The following ZNF141 variants were observed in gnomAD, a reference collection of about 807,000 sequenced individuals.
ZNF141 encodes the protein zinc finger protein 141, also known as zinc finger protein 141 (clone pHZ-44).
ZNF141 carries 7 observed loss-of-function variants against 11.3 expected under a neutral mutation model. The observed-to-expected ratio is 0.62, with a 90% CI of 0.35 to 1.16. The LOEUF (loss-of-function observed/expected upper bound fraction) is 1.16, where lower values mean the gene tolerates loss of function less well. ZNF141 is among the 50% of genes most tolerant of loss of function. The pLI is 0.02. For missense variants in ZNF141, 535 were observed against 554.0 expected, an observed-to-expected ratio of 0.97 and a Z score of 0.34; for synonymous variants, 183 against 190.7, an observed-to-expected ratio of 0.96 and a Z score of 0.33.
intron 3 of ZNF141, among the ~76,000 whole-genome samples, chr4:348,842 C>T (rs573985920): frequency 6.6e-6 from 1 of 151,844 alleles, no homozygotes; most frequent in East Asian, 1.9e-4. Context: ...ATTGTGTTTT[C>T]TATTAGTGTG....
At position 381,314 on chromosome 4, in the gene ZNF141, G is replaced by T. The variant is rs1712604184; in HGVS notation, c.*7452G>T. Among the ~76,000 whole-genome samples the T allele has an allele frequency of 6.6e-6, 1 of 150,636 alleles. No individual in the cohort carries two copies. The highest frequency in any genetic ancestry group is 1.5e-5 in the Non-Finnish European group (1 of 67,904). On this transcript the variant is annotated 3_prime_UTR_variant, in exon 4 of 4. Coordinates refer to ENST00000240499, the MANE Select transcript of ZNF141 (RefSeq NM_003441.4). ...AAATTTATCTCTAGGAACCTCAGCC[G>T]AGCAGTCAGAACTCACAGCTCTGAC...
In ZNF141 at chr4:362,965, G is replaced by C. The variant is rs138437792; in HGVS notation, c.227-9699G>C. ...TGGCATTGAATCTATAAATTACCTT[G>C]GGCAGTATGGCCATTTTCATGATAT... On this transcript the variant is annotated intron_variant, in intron 3 of 3. Transcript: ENST00000240499. Among the ~76,000 whole-genome samples the C allele has an allele frequency of 1.8e-3, 278 of 152,260 alleles. 7 individuals are homozygous for C. The East Asian group carries it at 0.051, about 28-fold the overall frequency.
At position 382,463 on chromosome 4, in the gene ZNF141, C is replaced by A. The variant is rs1443112935; in HGVS notation, c.*8601C>A. Among the ~76,000 whole-genome samples, 1 of 152,108 alleles carries A rather than the reference C, an allele frequency of 6.6e-6. No homozygotes were observed. Among genetic ancestry groups the A allele is most frequent in the Non-Finnish European group, 1.5e-5 (1 of 68,018 alleles). ...ATTTGACTTTGTCTATATTAAAAATCATAAATAGTCAACAAATGCAAAAAA... is the reference window on the plus strand; with the variant it reads ...ATTTGACTTTGTCTATATTAAAAATAATAAATAGTCAACAAATGCAAAAAA... On this transcript the variant is annotated 3_prime_UTR_variant, in exon 4 of 4. Transcript: ENST00000240499.
At chr4:368,880 G>A (rs75567447) in intron 3 of ZNF141, among the ~76,000 whole-genome samples, 2,461 of 152,214 alleles carry the variant, frequency 0.016, 60 homozygotes, top group African/African-American at 0.055. Context: ...ATAATTTGGG[G>A]GTTGCTGTTT....
At chr4:352,180 G>C (rs1162505012) in intron 3 of ZNF141, among the ~76,000 whole-genome samples, 1 of 152,154 alleles carries the variant, frequency 6.6e-6, no homozygotes, top group African/African-American at 2.4e-5. Flanking sequence ...GAGGTCAAGA[G>C]ATGGAGACAA....
intron 3 of ZNF141, among the ~76,000 whole-genome samples, chr4:363,059 A>T (rs1432367631): frequency 6.6e-6 from 1 of 152,176 alleles, no homozygotes; most frequent in African/African-American, 2.4e-5. Context: ...TTCATTGAGC[A>T]GTGGTTTGTA....
chr4:349,577 A>T (rs1445815374), intron 3 of ZNF141, among the ~76,000 whole-genome samples: 2 of 152,092 alleles, frequency 1.3e-5, no homozygotes, highest in East Asian at 3.9e-4. Context: ...CTGTGTCTGC[A>T]TTTGACAAAT....
intron 3 of ZNF141, among the ~76,000 whole-genome samples, chr4:348,654 T>G (rs1256001449): frequency 2.0e-5 from 3 of 151,212 alleles, no homozygotes; most frequent in Admixed American, 1.3e-4. Context: ...GGCAGAGGTT[T>G]CAGTGAGCCT....
Position 383,343 on chromosome 4 carries a change from AAGTT to A in ZNF141, c.*9485_*9488del. On this transcript the variant is annotated 3_prime_UTR_variant, in exon 4 of 4. Transcript: ENST00000240499. ...TGTTTCGGGATTGTTATGCAGTTAT[AAGTT>A]AGTAATATATACACCCATTAAAGAC... 1 of 570,338 alleles carries A rather than the reference AAGTT, an allele frequency of 1.8e-6. No individual in the cohort carries two copies. Among genetic ancestry groups the A allele is most frequent in the Admixed American group, 3.4e-5 (1 of 29,546 alleles). 35.3% of individuals were successfully genotyped at this position (570,338 alleles called of 1,614,324 possible).
rs1402921861 is a variant in ZNF141, at chr4:377,675, G to A, written c.*3813G>A. ...GATAAGAGTAATTCACTATCAACAGGTAAGAGGATTAAGTCAGTTGGCATT... is the reference window on the plus strand; with the variant it reads ...GATAAGAGTAATTCACTATCAACAGATAAGAGGATTAAGTCAGTTGGCATT... On this transcript the variant is annotated 3_prime_UTR_variant, in exon 4 of 4. Coordinates refer to ENST00000240499, the MANE Select transcript of ZNF141 (RefSeq NM_003441.4). 6.6e-6 allele frequency among the ~76,000 whole-genome samples: 1 copy of A among 151,596 alleles called. No homozygotes were observed. Among genetic ancestry groups the A allele is most frequent in the East Asian group, 1.9e-4 (1 of 5,162 alleles).
intron 3 of ZNF141, among the ~76,000 whole-genome samples, chr4:358,018 C>T (rs1354729746): frequency 1.3e-5 from 2 of 151,212 alleles, no homozygotes; most frequent in East Asian, 3.9e-4. Context: ...CATGCCTGGC[C>T]TCATTCTTTA....
chr4:350,188 C>T (rs782162276), intron 3 of ZNF141: 2 of 534,790 alleles, frequency 3.7e-6, no homozygotes, highest in South Asian at 2.8e-5. Context: ...TGTGCCATTT[C>T]CTTGTCTGTA....
At chr4:339,616 C>T (rs1447576791) in intron 1 of ZNF141, among the ~76,000 whole-genome samples, 2 of 152,230 alleles carry the variant, frequency 1.3e-5, no homozygotes, top group Non-Finnish European at 2.9e-5. Flanking sequence ...ACTCTTCTCC[C>T]TTAAAGCATT....
At position 381,453 on chromosome 4, in the gene ZNF141, G is replaced by T. The variant is rs150927271; in HGVS notation, c.*7591G>T. ...AGACGTTGTCTTGCTCTGTCGCCCAGGCTGGAGTGCAGTGGTGCAATCTCG... is the reference window on the plus strand; with the variant it reads ...AGACGTTGTCTTGCTCTGTCGCCCATGCTGGAGTGCAGTGGTGCAATCTCG... On this transcript the variant is annotated 3_prime_UTR_variant, in exon 4 of 4. Coordinates refer to ENST00000240499, the MANE Select transcript of ZNF141 (RefSeq NM_003441.4). Among the ~76,000 whole-genome samples, 1,838 of 127,832 alleles carry T rather than the reference G, an allele frequency of 0.014. 56 individuals carry two copies. The highest frequency in any genetic ancestry group is 0.07 in the Admixed American group (708 of 10,096). The allele number at this position is 127,832 out of a possible 152,430, so 83.9% of individuals were successfully genotyped here. A position where few individuals can be genotyped will look rare whatever the true frequency, so the allele number is the denominator to read the frequency against.
rs528900220 is a variant in ZNF141 at position 372,122 on chromosome 4, C to T, written c.227-542C>T. On this transcript the variant is annotated intron_variant, in intron 3 of 3. Transcript: ENST00000240499. The stretch of plus-strand genomic sequence containing the variant: ...TAACAGTCTCTAATCACTTGTTCTA[C>T]GTGTTGCCTGTATTTAGCACTGCAG... Among the ~76,000 whole-genome samples the T allele has an allele frequency of 8.5e-5, 13 of 152,298 alleles. No individual in the cohort carries two copies. The East Asian group carries it at 1.9e-3, about 23-fold the overall frequency.
rs782605502 is a variant in ZNF141 at position 373,119 on chromosome 4, A to G, written c.682A>G (p.Thr228Ala). The G allele has an allele frequency of 1.9e-6, 3 of 1,614,040 alleles. No homozygotes were observed. Among genetic ancestry groups the G allele is most frequent in the African/African-American group, 1.3e-5 (1 of 75,040 alleles). ...KRIHTGEKPF[T>A]CEECGSIFTT... The stretch of plus-strand genomic sequence containing the variant: ...AATTCATACTGGAGAGAAACCTTTT[A>G]CTTGTGAAGAATGTGGCAGCATCTT... Residue 228 changes from threonine (T) to alanine (A), a missense_variant, in exon 4 of 4, where the codon ACT (threonine) becomes GCT (alanine). Coordinates refer to ENST00000240499, the MANE Select transcript of ZNF141 (RefSeq NM_003441.4).
chr4:350,172 G>C (rs782336312), intron 3 of ZNF141: 1 of 534,786 alleles, frequency 1.9e-6, no homozygotes, highest in Admixed American at 1.9e-5. Context: ...GTAAGACCAA[G>C]CTCAGTGTGC....
At chr4:364,602 A>C (rs1711636860) in intron 3 of ZNF141, among the ~76,000 whole-genome samples, 2 of 151,716 alleles carry the variant, frequency 1.3e-5, no homozygotes, top group African/African-American at 4.8e-5. Context: ...ATTAGTCTTT[A>C]TTACTCTTGC....
chr4:378,372 G>A lies in ZNF141; in HGVS notation c.*4510G>A, dbSNP rs1383387445. Among the ~76,000 whole-genome samples, 1 of 151,688 alleles carries A rather than the reference G, an allele frequency of 6.6e-6. No individual in the cohort carries two copies. The highest frequency in any genetic ancestry group is 1.5e-5 in the Non-Finnish European group (1 of 67,928). On this transcript the variant is annotated 3_prime_UTR_variant, in exon 4 of 4. Transcript: ENST00000240499. ...CAACCTCCGCCTCCCAGGTTCAAGT[G>A]ATTCTCCTGCCTCAGCCTCCTGAGT... is the stretch of plus-strand genomic sequence containing the variant.
Sources: gnomAD v4.1 joint callset for allele counts (sites outside exome capture counted in the v4.1 genomes callset) on GRCh38, gnomAD v4.1.1 for gene constraint, MANE v1.5 for transcripts, NCBI Gene and HGNC (gene_info 2026-07-23, HGNC 2026-07-21) for gene names.